CNTROB: variants seen among roughly 807,000 people sequenced by gnomAD.
CNTROB encodes centrobin, centriole duplication and spindle assembly protein.
In CNTROB, 82 loss-of-function variants were observed where a neutral mutation model predicts 115.7. The ratio of observed to expected loss-of-function variants is 0.71; its 90% CI spans 0.59 to 0.85. CNTROB has a LOEUF of 0.85. Among genes scored for constraint, CNTROB ranks in the 40% least tolerant of loss-of-function variants. CNTROB has a pLI of 0.00. For synonymous variants in CNTROB, 439 were observed against 456.4 expected (o/e 0.96, Z 0.49); for missense variants, 1,014 against 1,144.4 (o/e 0.89, Z 1.64).
rs775941288 is a variant in CNTROB at position 7,933,328 on chromosome 17, G to A, written c.249G>A (p.Leu83=). The A allele has an allele frequency of 3.3e-5, 54 of 1,613,384 alleles. No homozygotes were observed. The highest frequency in any genetic ancestry group is 1.2e-4 in the Admixed American group (7 of 59,858). Residue 83 remains leucine (L), a synonymous_variant, in exon 1 of 19, where the codon TTG becomes TTA. Transcript: ENST00000563694. ...TGAGTCGAAGCTTGTCAGTCGGATTGGAAAAGAACTTGAAGAAAAAGGTGA... is the reference window on the plus strand; with the variant it reads ...TGAGTCGAAGCTTGTCAGTCGGATTAGAAAAGAACTTGAAGAAAAAGGTGA... ...QELSRSLSVG[L]EKNLKKKDGS...
Position 7,932,636 on chromosome 17 carries a change from A to C in CNTROB, c.-444A>C. 5.9e-6 allele frequency: 1 copy of C among 168,604 alleles called. No homozygotes were observed. Among genetic ancestry groups the C allele is most frequent in the Non-Finnish European group, 1.3e-5 (1 of 79,076 alleles). The allele number at this position is 168,604 out of a possible 1,614,324, so 10.4% of individuals were successfully genotyped here. A position where few individuals can be genotyped will look rare whatever the true frequency, so the allele number is the denominator to read the frequency against. ...ATTGAGGGACTAGTAGGGCAGGGGG[A>C]CAGAAATTGGGCTCCTAGTGGATTT... is the stretch of plus-strand genomic sequence containing the variant. On this transcript the variant is annotated 5_prime_UTR_variant, in exon 1 of 19. Coordinates refer to ENST00000563694, the MANE Select transcript of CNTROB (RefSeq NM_053051.5).
At chr17:7,937,431 A>G (rs1435873233) in intron 7 of CNTROB, among the ~76,000 whole-genome samples, 169 bp downstream of exon 7, 2 of 152,198 alleles carry the variant, frequency 1.3e-5, no homozygotes, top group Non-Finnish European at 2.9e-5. Flanking sequence ...ATTAAAAAAA[A>G]AGGCTCTGCT....
intron 13 of CNTROB, among the ~76,000 whole-genome samples, chr17:7,947,023 T>C (rs1037051817): frequency 1.3e-5 from 2 of 151,826 alleles, no homozygotes. Flanking sequence ...TAGCCGGGCG[T>C]GGTGGCAGGC....
At chr17:7,933,752 T>C (rs1023083523) in intron 1 of CNTROB, among the ~76,000 whole-genome samples, 1 of 152,224 alleles carries the variant, frequency 6.6e-6, no homozygotes, top group African/African-American at 2.4e-5. Flanking sequence ...ATGTACATCA[T>C]TAAGACATAG....
In CNTROB at chr17:7,944,494, G is replaced by A. The variant is rs146493138; in HGVS notation, c.1590G>A (p.Ala530=). The change falls in exon 12 of 19, where the codon GCG becomes GCA. Residue 530 remains alanine (A), a synonymous_variant. Transcript: ENST00000563694. This position sits in a 1 kb window ranked among gnomAD's most constrained non-coding sequence, Gnocchi z 4.0. ...DYELRLAREQ[A]RVCELQSGNQ... ...GCTTCAGACTGGCCCGGGAGCAAGCGCGAGTGTGCGAACTGCAGAGTGGGA... is the reference window on the plus strand; with the variant it reads ...GCTTCAGACTGGCCCGGGAGCAAGCACGAGTGTGCGAACTGCAGAGTGGGA... 3.8e-4 allele frequency: 620 copies of A among 1,614,018 alleles called. No individual in the cohort carries two copies. The highest frequency in any genetic ancestry group is 4.9e-4 in the Non-Finnish European group (573 of 1,179,962).
Position 7,933,365 on chromosome 17 carries a change from C to G in CNTROB, c.270+16C>G. On this transcript the variant is annotated intron_variant, in intron 1 of 18. Transcript: ENST00000563694. Reference sequence around the variant, plus strand: ...GAAGAAAAAGGTGAGGGAAGTGTGTCTTGGAGACCACTGTGGCACTAGACA... The same window carrying G: ...GAAGAAAAAGGTGAGGGAAGTGTGTGTTGGAGACCACTGTGGCACTAGACA... 1 of 1,603,184 alleles carries G rather than the reference C, an allele frequency of 6.2e-7. No homozygotes were observed. Among genetic ancestry groups the G allele is most frequent in the Non-Finnish European group, 8.5e-7 (1 of 1,173,826 alleles).
In CNTROB at chr17:7,943,675, G is replaced by A. The variant is rs960632851; in HGVS notation, c.1445+151G>A. The A allele has an allele frequency of 4.3e-5, 35 of 811,560 alleles. No individual in the cohort carries two copies. Among genetic ancestry groups the A allele is most frequent in the Non-Finnish European group, 5.9e-5 (32 of 538,598 alleles). The allele number at this position is 811,560 out of a possible 1,614,324, so 50.3% of individuals were successfully genotyped here. A position where few individuals can be genotyped will look rare whatever the true frequency, so the allele number is the denominator to read the frequency against. ...ATCAGCTGGGACCTGAGTCTCTCTC[G>A]GGAGGGCTGCCTTCACGCGTTCATG... On this transcript the variant is annotated intron_variant, in intron 10 of 18. Coordinates refer to ENST00000563694, the MANE Select transcript of CNTROB (RefSeq NM_053051.5). The surrounding 1 kb of genome is among the most constrained non-coding windows in gnomAD (Gnocchi z 4.7).
At chr17:7,938,377 T>C (rs996658700) in intron 7 of CNTROB, among the ~76,000 whole-genome samples, 5 of 151,678 alleles carry the variant, frequency 3.3e-5, no homozygotes, top group Non-Finnish European at 5.9e-5. Context: ...GGATTGGAAC[T>C]TGTTGCATGC....
rs11657692 is a variant in CNTROB at position 7,943,014 on chromosome 17, G to A, written c.1312-377G>A. ...AACGGGGTTTCACCGTGTTAGCCAA[G>A]ATGGTCTCGATCTCCTGACCTCGTG... On this transcript the variant is annotated intron_variant, in intron 9 of 18. Transcript: ENST00000563694. The surrounding 1 kb of genome is among the most constrained non-coding windows in gnomAD (Gnocchi z 4.7). Among the ~76,000 whole-genome samples the A allele has an allele frequency of 6.6e-6, 1 of 151,424 alleles. No homozygotes were observed. The highest frequency in any genetic ancestry group is 1.5e-5 in the Non-Finnish European group (1 of 67,906).
chr17:7,937,370 C>T (rs577335415), intron 7 of CNTROB, 108 bp downstream of exon 7: 259 of 1,282,116 alleles, frequency 2.0e-4, no homozygotes, highest in South Asian at 5.7e-4. Context: ...TGCACCAGAG[C>T]ACTGTTTCCC....
Position 7,947,950 on chromosome 17 carries a change from C to G in CNTROB, c.2180C>G (p.Pro727Arg). 1 of 1,614,110 alleles carries G rather than the reference C, an allele frequency of 6.2e-7. No individual in the cohort carries two copies. Among genetic ancestry groups the G allele is most frequent in the Non-Finnish European group, 8.5e-7 (1 of 1,179,994 alleles). ...ACAGTGCCCCAGAACAATGAGAACC[C>G]TTCTGTCGACCTGTTGCCCCCTAAG... ...LETVPQNNEN[P>R]SVDLLPPKSG... Residue 727 changes from proline to arginine, a missense_variant, in exon 15 of 19, where the codon CCT becomes CGT. Pro to Arg is a moderately radical substitution (Grantham distance 103, BLOSUM62 -2). Coordinates refer to ENST00000563694, the MANE Select transcript of CNTROB (RefSeq NM_053051.5).
intron 1 of CNTROB, among the ~76,000 whole-genome samples, chr17:7,933,640 T>C (rs4239115): frequency 0.54 from 81,614 of 151,980 alleles, 22,754 homozygotes; most frequent in East Asian, 0.94. Context: ...GCACTGGGAA[T>C]GGGTAAGGTT....
Position 7,949,848 on chromosome 17 carries a change from C to A in CNTROB, c.*338C>A. 4.9e-6 allele frequency: 1 copy of A among 205,940 alleles called. No individual in the cohort carries two copies. The highest frequency in any genetic ancestry group is 9.6e-6 in the Non-Finnish European group (1 of 104,364). The allele number at this position is 205,940 out of a possible 1,614,324, so 12.8% of individuals were successfully genotyped here. A position where few individuals can be genotyped will look rare whatever the true frequency, so the allele number is the denominator to read the frequency against. On this transcript the variant is annotated 3_prime_UTR_variant, in exon 19 of 19. Coordinates refer to ENST00000563694, the MANE Select transcript of CNTROB (RefSeq NM_053051.5). ...ATGGGTGATTCTTAGTTTTTTAATA[C>A]GTTTCTGTATTTTCCAAATTTTCTA...
At chr17:7,947,054 G>A (rs781602250) in intron 13 of CNTROB, among the ~76,000 whole-genome samples, 29 of 151,778 alleles carry the variant, frequency 1.9e-4, no homozygotes, top group Admixed American at 5.2e-4. Context: ...CCAGCTACTC[G>A]GGAGGCTGAG....
In CNTROB at chr17:7,939,432, C is replaced by T; in HGVS notation, c.928-81C>T. 8.8e-7 allele frequency: 1 copy of T among 1,141,982 alleles called. No homozygotes were observed. The allele number at this position is 1,141,982 out of a possible 1,614,324, so 70.7% of individuals were successfully genotyped here. On this transcript the variant is annotated intron_variant, in intron 7 of 18. Transcript: ENST00000563694. This position sits in a 1 kb window ranked among gnomAD's most constrained non-coding sequence, Gnocchi z 4.4. ...TTTAATGAGCATAATTCTCAGCAGG[C>T]ACCTTGTATGAGGGTCAGAGGGCAG...
In CNTROB at chr17:7,939,126, G is replaced by A. The variant is rs944701330; in HGVS notation, c.928-387G>A. 6.6e-6 allele frequency among the ~76,000 whole-genome samples: 1 copy of A among 150,844 alleles called. No individual in the cohort carries two copies. The highest frequency in any genetic ancestry group is 2.1e-4 in the South Asian group (1 of 4,756). On this transcript the variant is annotated intron_variant, in intron 7 of 18. Coordinates refer to ENST00000563694, the MANE Select transcript of CNTROB (RefSeq NM_053051.5). The surrounding 1 kb of genome is among the most constrained non-coding windows in gnomAD (Gnocchi z 4.4). Reference sequence around the variant, plus strand: ...TTTTATTTGAGATGGAGTCTTGCTCGATGTCGCCTAGGCTGGAGTGCAGTT... The same window carrying A: ...TTTTATTTGAGATGGAGTCTTGCTCAATGTCGCCTAGGCTGGAGTGCAGTT...
chr17:7,942,596 C>CAAA (rs377086554), intron 9 of CNTROB, among the ~76,000 whole-genome samples: 12 of 56,472 alleles, frequency 2.1e-4, no homozygotes, highest in African/African-American at 3.1e-4. Context: ...GACTCCATCT[C>CAAA]AAAAAAAAAA....
chr17:7,945,919 C>A lies in CNTROB; in HGVS notation c.1926C>A (p.Gly642=). The part of the protein sequence containing the change: ...SSSSDLSLLL[G]PSFQSQHSFQ... ...CCTCAGATCTTAGCCTCCTGTTGGG[C>A]CCCTCTTTTCAGAGCCAGCATTCTT... is the stretch of plus-strand genomic sequence containing the variant. Residue 642 remains glycine, a synonymous_variant, in exon 13 of 19, where the codon GGC becomes GGA. Coordinates refer to ENST00000563694, the MANE Select transcript of CNTROB (RefSeq NM_053051.5). The A allele has an allele frequency of 2.5e-6, 4 of 1,613,982 alleles. No individual in the cohort carries two copies. The highest frequency in any genetic ancestry group is 3.3e-5 in the Admixed American group (2 of 60,014).
Position 7,936,773 on chromosome 17 carries a change from G to A in CNTROB, c.784G>A (p.Glu262Lys), listed in dbSNP as rs1973233226. 1 of 1,557,722 alleles carries A rather than the reference G, an allele frequency of 6.4e-7. No individual in the cohort carries two copies. The highest frequency in any genetic ancestry group is 1.4e-5 in the African/African-American group (1 of 73,826). ...GACAGAGGTTCTCAGGGGACTTCAA[G>A]AGGAACACCAGGCAGCAGAGCTCAC... ...ERTEVLRGLQ[E>K]EHQAAELTRS... Residue 262 changes from glutamate (E) to lysine (K), a missense_variant, in exon 6 of 19, where the codon GAG becomes AAG. Transcript: ENST00000563694.
Sources: allele counts gnomAD v4.1 joint callset (sites outside exome capture counted in the v4.1 genomes callset), GRCh38; gene constraint gnomAD v4.1.1; non-coding constraint Gnocchi (gnomAD v3.1); transcripts MANE v1.5; gene names NCBI Gene and HGNC (gene_info 2026-07-23, HGNC 2026-07-21).